Variants in ASTN1 observed in about 807,000 individuals in gnomAD.
The protein encoded by ASTN1 is astrotactin-1.
ASTN1 carries 41 observed loss-of-function variants against 140.7 expected under a neutral mutation model. The ratio of observed to expected loss-of-function variants is 0.29; its 90% CI spans 0.23 to 0.38. The LOEUF is 0.38. Ranked by LOEUF, ASTN1 falls within the 10% of genes least tolerant of loss-of-function variation. ASTN1 has a pLI of 1.00. For synonymous variants in ASTN1, 640 were observed against 652.2 expected (o/e 0.98, Z 0.29); for missense variants, 1,479 against 1,678.8 (o/e 0.88, Z 2.08).
At chr1:176,970,324 G>A (rs576844442) in intron 8 of ASTN1, among the ~76,000 whole-genome samples, 26 of 152,288 alleles carry the variant, frequency 1.7e-4, no homozygotes, top group African/African-American at 5.8e-4. Context: ...AAGACCCTGC[G>A]TGACCAGCCT....
intron 5 of ASTN1, chr1:177,029,366 A>C (rs1676301877): frequency 1.5e-6 from 1 of 662,210 alleles, no homozygotes; most frequent in African/African-American, 1.8e-5. Context: ...AGAAATTGAG[A>C]GTCATCTGAC....
chr1:176,919,294 A>G (rs1324506599), intron 16 of ASTN1, among the ~76,000 whole-genome samples: 3 of 152,248 alleles, frequency 2.0e-5, no homozygotes, highest in Non-Finnish European at 2.9e-5. Context: ...ATTGAATTAC[A>G]AAAGAGATTT....
intron 8 of ASTN1, among the ~76,000 whole-genome samples, chr1:176,975,059 T>C (rs989506956): frequency 2.0e-5 from 3 of 152,216 alleles, no homozygotes; most frequent in Admixed American, 6.5e-5. Context: ...AGTTCATCTG[T>C]CCCCACATGG....
chr1:177,034,400 G>A (rs1033318056), intron 2 of ASTN1, among the ~76,000 whole-genome samples: 3 of 152,064 alleles, frequency 2.0e-5, no homozygotes, highest in Admixed American at 6.6e-5. Context: ...TGACCTCCTG[G>A]TTTTCAATTA....
At chr1:176,864,593 T>C (rs963596613) in intron 22 of ASTN1, 72 bp from the exon 23 acceptor site, 2 of 1,561,292 alleles carry the variant, frequency 1.3e-6, no homozygotes, top group East Asian at 4.5e-5. Flanking sequence ...CTACTGTTAG[T>C]GTGAGACTCT....
Position 176,894,617 on chromosome 1 carries a change from T to G in ASTN1, c.2885A>C (p.Glu962Ala), listed in dbSNP as rs543065232. The change falls in exon 17 of 23, where the codon GAG becomes GCG. Residue 962 changes from glutamate to alanine, a missense_variant. Transcript: ENST00000361833. ...ATAGATGGGGGCTGCTTTGGTCACC[T>G]CCAGCAGAACCGGCTCAGCAGGGGT... ...PDTPAEPVLLEVTKAAPIYEL... is the reference protein window; with the variant it reads ...PDTPAEPVLLAVTKAAPIYEL... 7.4e-6 allele frequency: 12 copies of G among 1,614,064 alleles called. No homozygotes were observed. In the South Asian group the frequency reaches 1.1e-4, roughly 15 times the overall value.
chr1:176,871,522 G>A (rs1031323507), intron 21 of ASTN1, among the ~76,000 whole-genome samples: 1 of 152,174 alleles, frequency 6.6e-6, no homozygotes, highest in African/African-American at 2.4e-5. Flanking sequence ...TCCAGCTAGG[G>A]AAGACTAAGG....
chr1:176,935,990 G>GA (rs1671426707), intron 15 of ASTN1: 1 of 493,168 alleles, frequency 2.0e-6, no homozygotes, highest in Admixed American at 3.2e-5. Context: ...CATACTGGAT[G>GA]AGCCCAGGAA....
At chr1:176,887,952 A>T in intron 18 of ASTN1, 119 bp downstream of exon 18, 1 of 1,389,604 alleles carries the variant, frequency 7.2e-7, no homozygotes, top group South Asian at 1.4e-5. Flanking sequence ...AGCTCTCTAA[A>T]GGCAGGTATT....
At chr1:177,079,172 T>C (rs556299001) in intron 1 of ASTN1, among the ~76,000 whole-genome samples, 4 of 152,308 alleles carry the variant, frequency 2.6e-5, no homozygotes, top group African/African-American at 9.6e-5. Flanking sequence ...AAACCAGGAC[T>C]AAATCATATT....
chr1:176,952,680 C>G (rs1044507119), intron 11 of ASTN1, among the ~76,000 whole-genome samples: 1 of 152,172 alleles, frequency 6.6e-6, no homozygotes, highest in Non-Finnish European at 1.5e-5. Flanking sequence ...ACCAGAGTCT[C>G]CAAACCATGC....
chr1:176,937,589 T>A (rs1180920275), intron 14 of ASTN1, among the ~76,000 whole-genome samples: 1 of 152,046 alleles, frequency 6.6e-6, no homozygotes. Context: ...AATTAGGCCA[T>A]AGGAAAAAAA....
intron 8 of ASTN1, among the ~76,000 whole-genome samples, chr1:176,994,103 C>A (rs906390293): frequency 7.0e-6 from 1 of 142,320 alleles, no homozygotes; most frequent in Non-Finnish European, 1.5e-5. Flanking sequence ...TTTCACCCCA[C>A]CCCCCCCGCC....
intron 1 of ASTN1, among the ~76,000 whole-genome samples, chr1:177,077,102 G>T (rs1011662100): frequency 6.6e-5 from 10 of 152,098 alleles, no homozygotes; most frequent in Non-Finnish European, 1.3e-4. Context: ...ATTAATGATG[G>T]ATCTGTGTTA....
intron 1 of ASTN1, among the ~76,000 whole-genome samples, chr1:177,081,949 G>A (rs1679200634): frequency 6.6e-6 from 1 of 152,160 alleles, no homozygotes; most frequent in Admixed American, 6.6e-5. Flanking sequence ...GGATGTTGGG[G>A]TTAGGGGAAG....
chr1:177,088,740 C>T (rs1006309371), intron 1 of ASTN1, among the ~76,000 whole-genome samples: 2 of 152,130 alleles, frequency 1.3e-5, no homozygotes, highest in African/African-American at 4.8e-5. Flanking sequence ...TCCAGTCGTA[C>T]TCCCAGAATA....
intron 16 of ASTN1, among the ~76,000 whole-genome samples, chr1:176,922,576 A>AAAAAAAAAAAAAAAAAG (rs1670781125): frequency 6.6e-6 from 1 of 151,608 alleles, no homozygotes; most frequent in Non-Finnish European, 1.5e-5. Context: ...AAAAAAAAAA[A>AAAAAAAAAAAAAAAAAG]AAAAATTCTC....
At chr1:177,038,566 C>T (rs140878092) in intron 2 of ASTN1, among the ~76,000 whole-genome samples, 154 of 152,260 alleles carry the variant, frequency 1.0e-3, no homozygotes, top group African/African-American at 3.5e-3. Flanking sequence ...GCATCATCAA[C>T]TTTCAATATA....
At chr1:176,859,812 A>G (rs1341373003), downstream of ASTN1, among the ~76,000 whole-genome samples, 2 of 152,204 alleles carry the variant, frequency 1.3e-5, no homozygotes, top group Admixed American at 1.3e-4. Context: ...CAAAATCCTT[A>G]GTGGCTTAAG....
Sources: gnomAD v4.1 joint callset for allele counts (sites outside exome capture counted in the v4.1 genomes callset) on GRCh38, gnomAD v4.1.1 for gene constraint, MANE v1.5 for transcripts, NCBI Gene and HGNC (gene_info 2026-07-23, HGNC 2026-07-21) for gene names.